ULK4: variants seen among roughly 807,000 people sequenced by gnomAD.
ULK4 encodes inactive serine/threonine-protein kinase ULK4.
ULK4 carries 133 observed loss-of-function variants against 160.6 expected under a neutral mutation model. The ratio of observed to expected loss-of-function variants is 0.83; its 90% CI spans 0.72 to 0.96. The LOEUF (loss-of-function observed/expected upper bound fraction) is 0.96, where lower values mean the gene tolerates loss of function less well. ULK4 is among the 40% of genes least tolerant of loss of function. The pLI is 0.00. For missense variants in ULK4, 1,580 were observed against 1,499.5 expected (o/e 1.05, Z -0.89); for synonymous variants, 534 against 539.8 (o/e 0.99, Z 0.15).
chr3:41,665,634 G>T (rs193244815), intron 29 of ULK4, among the ~76,000 whole-genome samples: 48 of 152,010 alleles, frequency 3.2e-4, no homozygotes, highest in Non-Finnish European at 1.9e-4. Context: ...TTTCAAGAAT[G>T]AAAAAAATCA....
chr3:41,525,898 A>T (rs541013883), intron 32 of ULK4, among the ~76,000 whole-genome samples: 2 of 152,198 alleles, frequency 1.3e-5, no homozygotes, highest in South Asian at 4.2e-4. Context: ...TCACTGTTTC[A>T]TTTCCTGTCA....
chr3:41,827,696 T>C (rs1305416891), intron 18 of ULK4, among the ~76,000 whole-genome samples: 1 of 152,188 alleles, frequency 6.6e-6, no homozygotes, highest in Non-Finnish European at 1.5e-5. Flanking sequence ...CTAGATGGAT[T>C]CACAGCCAAA....
intron 21 of ULK4, among the ~76,000 whole-genome samples, chr3:41,781,077 A>G (rs553477844): frequency 2.0e-5 from 3 of 152,268 alleles, no homozygotes; most frequent in East Asian, 1.9e-4. Context: ...ACATAAAAAT[A>G]TATTTTTCTC....
intron 32 of ULK4, among the ~76,000 whole-genome samples, chr3:41,493,559 G>C (rs1427639085): frequency 1.6e-5 from 2 of 121,498 alleles, no homozygotes; most frequent in African/African-American, 6.3e-5. Context: ...GCTACCAGAA[G>C]GCAAGAAATA....
rs1311679396 is a variant in ULK4, at chr3:41,895,385, C to G, written c.1577+133G>C. ...TCATTGGAATGCCCATAAAAATTGCCTATGAGTAGAGTCATCATTACATCA... is the reference window on the plus strand; with the variant it reads ...TCATTGGAATGCCCATAAAAATTGCGTATGAGTAGAGTCATCATTACATCA... On this transcript the variant is annotated intron_variant, in intron 16 of 36. Transcript: ENST00000301831. The G allele has an allele frequency of 2.2e-5, 9 of 412,446 alleles. No individual in the cohort carries two copies. The South Asian group carries it at 6.1e-4, about 28-fold the overall frequency. 25.5% of individuals were successfully genotyped at this position (412,446 alleles called of 1,614,324 possible).
chr3:41,819,492 C>CTTT lies in ULK4; in HGVS notation c.1776_1778dup (p.Lys593dup). 3 of 1,460,856 alleles carry CTTT rather than the reference C, an allele frequency of 2.1e-6. No homozygotes were observed. The highest frequency in any genetic ancestry group is 1.5e-5 in the African/African-American group (1 of 65,228). 90.5% of individuals were successfully genotyped at this position (1,460,856 alleles called of 1,614,324 possible). A position where few individuals can be genotyped will look rare whatever the true frequency, so the allele number is the denominator to read the frequency against. Reference sequence around the variant, plus strand: ...GAACAGCCCAGCACTCTCTAGGGTTCTTTTTTTTTTCTTCCTAAAATGAAG... The same window carrying CTTT: ...GAACAGCCCAGCACTCTCTAGGGTTCTTTTTTTTTTTTTCTTCCTAAAATGAAG... On this transcript the variant is annotated inframe_insertion, in exon 19 of 37. Transcript: ENST00000301831.
intron 18 of ULK4, among the ~76,000 whole-genome samples, chr3:41,825,544 C>G (rs1212909136): frequency 6.6e-6 from 1 of 152,144 alleles, no homozygotes; most frequent in African/African-American, 2.4e-5. Context: ...ATTCGATCAA[C>G]TGGAAGAAAG....
At chr3:41,542,196 T>C (rs1420812145) in intron 32 of ULK4, among the ~76,000 whole-genome samples, 1 of 152,246 alleles carries the variant, frequency 6.6e-6, no homozygotes, top group African/African-American at 2.4e-5. Flanking sequence ...GTTCCTTCGA[T>C]ACCTCATTTA....
At chr3:41,434,193 T>C (rs2082981600) in intron 34 of ULK4, among the ~76,000 whole-genome samples, 1 of 152,198 alleles carries the variant, frequency 6.6e-6, no homozygotes, top group Non-Finnish European at 1.5e-5. Context: ...GAAACATAAA[T>C]GAATTTTATG....
At chr3:41,895,779 C>CTAAAAGTCA (rs1698131217) in intron 15 of ULK4, among the ~76,000 whole-genome samples, 1 of 152,132 alleles carries the variant, frequency 6.6e-6, no homozygotes, top group Non-Finnish European at 1.5e-5. Flanking sequence ...TCTCCTACCA[C>CTAAAAGTCA]TTTATATTCG....
intron 22 of ULK4, among the ~76,000 whole-genome samples, chr3:41,722,492 G>A (rs947787232): frequency 2.0e-5 from 3 of 152,086 alleles, no homozygotes; most frequent in Non-Finnish European, 2.9e-5. Flanking sequence ...TTAGCCAGGC[G>A]TGGTGGCACA....
chr3:41,737,540 A>T lies in ULK4; in HGVS notation c.2321+16821T>A, dbSNP rs6785690. Among the ~76,000 whole-genome samples, 462 of 152,080 alleles carry T rather than the reference A, an allele frequency of 3.0e-3. 11 individuals are homozygous for T. The highest frequency in any genetic ancestry group is 0.011 in the African/African-American group (439 of 41,342). On this transcript the variant is annotated intron_variant, in intron 22 of 36. Transcript: ENST00000301831. ...TTTCAAGTTCATATGGAACCAAAAAAGAGCCCGCATTGCCAAGTCAATCCT... is the reference window on the plus strand; with the variant it reads ...TTTCAAGTTCATATGGAACCAAAAATGAGCCCGCATTGCCAAGTCAATCCT...
chr3:41,682,596 A>G (rs2035959552), intron 27 of ULK4, among the ~76,000 whole-genome samples: 2 of 152,224 alleles, frequency 1.3e-5, no homozygotes, highest in African/African-American at 4.8e-5. Context: ...GAATCTCCAT[A>G]TGTGGCTGGT....
intron 35 of ULK4, among the ~76,000 whole-genome samples, chr3:41,393,687 T>A (rs1248263454): frequency 6.6e-6 from 1 of 152,180 alleles, no homozygotes; most frequent in Non-Finnish European, 1.5e-5. Context: ...TGTTTCATTA[T>A]CCCTGGTGCA....
intron 2 of ULK4, among the ~76,000 whole-genome samples, chr3:41,953,032 A>T (rs1300212709): frequency 6.6e-6 from 1 of 152,120 alleles, no homozygotes; most frequent in East Asian, 1.9e-4. Flanking sequence ...AGTTGCCAAA[A>T]GCTGGAGAAG....
At chr3:41,802,657 T>C (rs2040496547) in intron 19 of ULK4, among the ~76,000 whole-genome samples, 1 of 152,152 alleles carries the variant, frequency 6.6e-6, no homozygotes, top group Non-Finnish European at 1.5e-5. Context: ...ATAACATATG[T>C]AGACATAAAA....
intron 17 of ULK4, among the ~76,000 whole-genome samples, chr3:41,866,009 T>C (rs975115988): frequency 2.6e-5 from 4 of 152,074 alleles, no homozygotes; most frequent in African/African-American, 9.6e-5. Flanking sequence ...GCCAACCATA[T>C]GTTGGATAAA....
chr3:41,665,683 A>G (rs2125766454), intron 29 of ULK4, among the ~76,000 whole-genome samples: 1 of 152,352 alleles, frequency 6.6e-6, no homozygotes, highest in East Asian at 1.9e-4. Flanking sequence ...TCATATAAAT[A>G]AAACAAATAT....
chr3:41,896,766 T>C, intron 15 of ULK4, 56 bp downstream of exon 15: 1 of 1,517,516 alleles, frequency 6.6e-7, no homozygotes, highest in Non-Finnish European at 8.8e-7. Flanking sequence ...TAGCACTTGT[T>C]TGAGCCTCTA....
Sources: allele counts gnomAD v4.1 joint callset (sites outside exome capture counted in the v4.1 genomes callset), GRCh38; gene constraint gnomAD v4.1.1; transcripts MANE v1.5; gene names NCBI Gene and HGNC (gene_info 2026-07-23, HGNC 2026-07-21).